The following CSMD1 variants were observed in gnomAD, a reference collection of about 807,000 sequenced individuals.
CSMD1 encodes CUB and sushi domain-containing protein 1.
Under a neutral mutation model 417.5 loss-of-function variants are expected in CSMD1, and 213 were observed. That is an observed-to-expected ratio of 0.51 (90% CI 0.46 to 0.57). CSMD1 has a LOEUF of 0.57. CSMD1 is among the 20% of genes least tolerant of loss of function. The pLI is 0.00. For missense variants in CSMD1, 6,923 were observed against 4,529.7 expected, an observed-to-expected ratio of 1.53 and a Z score of -15.17; for synonymous variants, 2,862 against 1,736.8, an observed-to-expected ratio of 1.65 and a Z score of -16.11.
chr8:2,946,890 C>T (rs1409173734), intron 68 of CSMD1, among the ~76,000 whole-genome samples: 2 of 152,138 alleles, frequency 1.3e-5, no homozygotes, highest in Non-Finnish European at 2.9e-5. Context: ...CCACCCTTTG[C>T]GATTTGACTT....
chr8:4,890,985 C>T (rs1804082563), intron 1 of CSMD1, among the ~76,000 whole-genome samples: 2 of 152,032 alleles, frequency 1.3e-5, no homozygotes, highest in African/African-American at 2.4e-5. Flanking sequence ...ATAGTAAGAA[C>T]ACATGTTTTC....
chr8:4,346,108 C>A (rs1800764695), intron 3 of CSMD1, among the ~76,000 whole-genome samples: 1 of 152,106 alleles, frequency 6.6e-6, no homozygotes, highest in African/African-American at 2.4e-5. Flanking sequence ...AAATCTTCAG[C>A]ATTAGAAAGG....
chr8:3,285,408 A>T (rs114082091), intron 25 of CSMD1, among the ~76,000 whole-genome samples: 8 of 148,130 alleles, frequency 5.4e-5, no homozygotes, highest in Admixed American at 2.7e-4. Flanking sequence ...TTTTCTAGAG[A>T]TGGGATGTCG....
At chr8:4,306,675 A>G (rs1308084164) in intron 3 of CSMD1, among the ~76,000 whole-genome samples, 2 of 152,064 alleles carry the variant, frequency 1.3e-5, no homozygotes, top group African/African-American at 4.8e-5. Flanking sequence ...TGATTGTACA[A>G]TTCACATGCT....
intron 53 of CSMD1, among the ~76,000 whole-genome samples, chr8:2,999,637 A>T (rs996036672): frequency 6.6e-6 from 1 of 152,056 alleles, no homozygotes; most frequent in Non-Finnish European, 1.5e-5. Flanking sequence ...TTTTCTCTCC[A>T]CCCAGTTTAT....
At chr8:3,987,259 A>G (rs913676167) in intron 5 of CSMD1, among the ~76,000 whole-genome samples, 3 of 152,172 alleles carry the variant, frequency 2.0e-5, no homozygotes, top group African/African-American at 7.2e-5. Context: ...CTCAAAGGCT[A>G]CACACAGCCC....
intron 2 of CSMD1, among the ~76,000 whole-genome samples, chr8:4,601,224 G>C (rs1018100533): frequency 1.3e-5 from 2 of 152,098 alleles, no homozygotes; most frequent in Non-Finnish European, 1.5e-5. Context: ...CCAAAGTGCC[G>C]GGATTACAGG....
intron 3 of CSMD1, among the ~76,000 whole-genome samples, chr8:4,384,009 G>A (rs1299745277): frequency 6.6e-6 from 1 of 151,906 alleles, no homozygotes; most frequent in East Asian, 1.9e-4. Flanking sequence ...GAAGGATCCA[G>A]GGACCACCCC....
chr8:4,729,011 A>C (rs1359196355), intron 1 of CSMD1, among the ~76,000 whole-genome samples: 2 of 152,182 alleles, frequency 1.3e-5, no homozygotes, highest in Non-Finnish European at 2.9e-5. Flanking sequence ...TAAATCTAGA[A>C]GGCGTTAGTA....
chr8:3,844,489 T>C (rs1379038442), intron 5 of CSMD1, among the ~76,000 whole-genome samples: 1 of 152,182 alleles, frequency 6.6e-6, no homozygotes. Flanking sequence ...AGCAATCTCT[T>C]TGGTAATGTG....
At chr8:4,168,737 A>G (rs1044481550) in intron 3 of CSMD1, among the ~76,000 whole-genome samples, 1 of 152,150 alleles carries the variant, frequency 6.6e-6, no homozygotes, top group African/African-American at 2.4e-5. Context: ...CTTAGACCTC[A>G]TTGGCTATTC....
chr8:4,633,011 T>C (rs531732064), intron 2 of CSMD1, among the ~76,000 whole-genome samples: 1 of 152,190 alleles, frequency 6.6e-6, no homozygotes, highest in Admixed American at 6.5e-5. Flanking sequence ...TTCTTGAATT[T>C]CAGGGTCATG....
rs767475530 is a variant in CSMD1, at chr8:3,209,267, G to C, written c.4868-3647C>G. Among the ~76,000 whole-genome samples, 3 of 149,114 alleles carry C rather than the reference G, an allele frequency of 2.0e-5. No individual in the cohort carries two copies. The Admixed American group carries it at 2.0e-4, about 10-fold the overall frequency. On this transcript the variant is annotated intron_variant, in intron 30 of 69. Transcript: ENST00000635120. ...CATTTGTGTTAGAAAAATATGGATA[G>C]AATTTTTATTTATTTGTTTGTTTGT...
intron 3 of CSMD1, among the ~76,000 whole-genome samples, chr8:4,079,372 A>C (rs1563095681): frequency 6.6e-6 from 1 of 152,184 alleles, no homozygotes; most frequent in East Asian, 1.9e-4. Context: ...GTAATCTGTA[A>C]TCAGGCATTC....
At chr8:4,403,589 G>T (rs1400748990) in intron 3 of CSMD1, among the ~76,000 whole-genome samples, 2 of 152,140 alleles carry the variant, frequency 1.3e-5, no homozygotes, top group Admixed American at 6.5e-5. Flanking sequence ...TTCTAGGACA[G>T]TACACACTCC....
At chr8:4,088,654 T>C (rs1369080426) in intron 3 of CSMD1, among the ~76,000 whole-genome samples, 1 of 152,148 alleles carries the variant, frequency 6.6e-6, no homozygotes, top group Non-Finnish European at 1.5e-5. Context: ...AAAGTCATTG[T>C]CTTCATGTTT....
At chr8:4,587,120 G>C (rs1799740428) in intron 2 of CSMD1, among the ~76,000 whole-genome samples, 1 of 152,078 alleles carries the variant, frequency 6.6e-6, no homozygotes, top group African/African-American at 2.4e-5. Context: ...AATAGATTAG[G>C]TGCGCTCTCT....
Position 3,214,090 on chromosome 8 carries a change from C to A in CSMD1, c.4867+407G>T, listed in dbSNP as rs7832696. On this transcript the variant is annotated intron_variant, in intron 30 of 69. Transcript: ENST00000635120. ...CGAACTCCTAACCTCGCGATCCACT[C>A]GCCTCAGCCTCTTGAAGTGCTGGGA... 3.6e-3 allele frequency among the ~76,000 whole-genome samples: 551 copies of A among 152,074 alleles called. 3 individuals are homozygous for A. The highest frequency in any genetic ancestry group is 0.013 in the African/African-American group (527 of 41,476).
chr8:4,437,123 G>T (rs114342806), intron 2 of CSMD1, among the ~76,000 whole-genome samples: 3,048 of 152,198 alleles, frequency 0.02, 114 homozygotes, highest in African/African-American at 0.07. Flanking sequence ...CTACCCAAAA[G>T]AATTCTTTTA....
Sources: allele counts gnomAD v4.1 joint callset (sites outside exome capture counted in the v4.1 genomes callset), GRCh38; gene constraint gnomAD v4.1.1; transcripts MANE v1.5; gene names NCBI Gene and HGNC (gene_info 2026-07-23, HGNC 2026-07-21).